CLN8: variants seen among roughly 807,000 people sequenced by gnomAD.
CLN8 encodes protein CLN8.
Under a neutral mutation model 15.7 loss-of-function variants are expected in CLN8, and 14 were observed. That is an observed-to-expected ratio of 0.89 (90% CI 0.59 to 1.39). The LOEUF (loss-of-function observed/expected upper bound fraction) is 1.39. Among genes scored for constraint, CLN8 ranks in the 40% most tolerant of loss-of-function variants. The probability of loss-of-function intolerance (pLI) is 0.00; values close to 1 mark genes in which losing one functional copy is unlikely to be tolerated. For missense variants in CLN8, 415 were observed against 364.0 expected (o/e 1.14, Z -1.14); for synonymous variants, 188 against 151.0 (o/e 1.25, Z -1.80).
chr8:1,756,260 G>T (rs919898347), intron 1 of CLN8, among the ~76,000 whole-genome samples: 8 of 152,196 alleles, frequency 5.3e-5, no homozygotes, highest in Non-Finnish European at 1.0e-4. Context: ...GAGGCAGGCG[G>T]ATCATGAGGT....
chr8:1,771,602 G>A lies in CLN8; in HGVS notation c.543+5G>A. The A allele has an allele frequency of 6.2e-7, 1 of 1,613,064 alleles. No individual in the cohort carries two copies. Among genetic ancestry groups the A allele is most frequent in the Non-Finnish European group, 8.5e-7 (1 of 1,179,588 alleles). On this transcript the variant is annotated splice_donor_5th_base_variant and intron_variant, in intron 2 of 2. Transcript: ENST00000331222. ...GTTTCCTGGATGCTCTTAAAGGTAA[G>A]TGCATGCATCAGCAGAAGATGACAT...
upstream of CLN8, chr8:1,760,424 C>T (rs1262709333): frequency 6.6e-6 from 1 of 152,126 alleles, no homozygotes; most frequent in African/African-American, 2.4e-5. Context: ...GCTGGGAATC[C>T]GCCCGGGTTT....
chr8:1,766,873 G>A (rs1388875964), intron 1 of CLN8, among the ~76,000 whole-genome samples: 1 of 152,226 alleles, frequency 6.6e-6, no homozygotes, highest in Non-Finnish European at 1.5e-5. Flanking sequence ...AGAAATAGAA[G>A]CAAAAGGAGA....
At position 1,781,809 on chromosome 8, in the gene CLN8, G is replaced by A. The variant is rs1801718767; in HGVS notation, c.*1242G>A. 6.6e-6 allele frequency: 1 copy of A among 152,136 alleles called. No individual in the cohort carries two copies. The highest frequency in any genetic ancestry group is 6.5e-5 in the Admixed American group (1 of 15,274). The allele number at this position is 152,136 out of a possible 1,614,324, so 9.4% of individuals were successfully genotyped here. ...CCCCTCAGAGATGCTCGACTGCAGG[G>A]TCCTGGGGTCCCTAGAGTGGTCCTG... On this transcript the variant is annotated 3_prime_UTR_variant, in exon 3 of 3. Transcript: ENST00000331222.
At chr8:1,758,208 ACAG>A (rs1224864212) in intron 1 of CLN8, 2 of 152,248 alleles carry the variant, frequency 1.3e-5, no homozygotes, top group East Asian at 3.8e-4. Flanking sequence ...CAGCAGAAAG[ACAG>A]TTTTCTATAA....
exon 1 of CLN8, chr8:1,755,889 T>C (rs1259521312): frequency 6.6e-6 from 1 of 152,146 alleles, no homozygotes; most frequent in Non-Finnish European, 1.5e-5. Context: ...ACGGAGGACA[T>C]TGCATGTCTC....
chr8:1,777,535 C>G (rs184945660), intron 2 of CLN8, among the ~76,000 whole-genome samples: 2 of 152,266 alleles, frequency 1.3e-5, no homozygotes, highest in Admixed American at 6.5e-5. Flanking sequence ...TGTAATAACA[C>G]TTAGCTTAAA....
At chr8:1,769,516 TC>T (rs2130985532) in intron 1 of CLN8, among the ~76,000 whole-genome samples, 1 of 151,854 alleles carries the variant, frequency 6.6e-6, no homozygotes, top group South Asian at 2.1e-4. Flanking sequence ...GTGACAAGAG[TC>T]CCCACTCCCT....
chr8:1,756,976 C>G (rs1800686100), intron 1 of CLN8, among the ~76,000 whole-genome samples: 1 of 152,268 alleles, frequency 6.6e-6, no homozygotes, highest in Middle Eastern at 3.4e-3. Flanking sequence ...AGCCACCATG[C>G]CTGGCCTGAA....
chr8:1,779,951 C>T, intron 2 of CLN8: 2 of 985,326 alleles, frequency 2.0e-6, no homozygotes, highest in Non-Finnish European at 2.4e-6. Flanking sequence ...TGAAGGGATA[C>T]TGAAAGAAAG....
intron 2 of CLN8, chr8:1,773,095 CCTGGGAACTCA>C: frequency 2.5e-6 from 1 of 394,938 alleles, no homozygotes; most frequent in Non-Finnish European, 4.5e-6. Context: ...TGTGCTGGCA[CCTGGGAACTCA>C]AGGAGGAACT....
intron 1 of CLN8, chr8:1,764,758 G>C (rs1800979595): frequency 6.6e-6 from 1 of 152,372 alleles, no homozygotes; most frequent in Admixed American, 6.5e-5. Flanking sequence ...TTGGGGTTGG[G>C]TGTGGACAGT....
intron 1 of CLN8, among the ~76,000 whole-genome samples, chr8:1,767,143 G>C (rs374908817): frequency 3.3e-4 from 51 of 152,346 alleles, no homozygotes; most frequent in African/African-American, 1.1e-3. Flanking sequence ...CCTGGCTGGA[G>C]GATGCTGGTT....
upstream of CLN8, among the ~76,000 whole-genome samples, chr8:1,760,786 G>C (rs1350500580): frequency 1.3e-5 from 2 of 152,166 alleles, no homozygotes; most frequent in Non-Finnish European, 2.9e-5. Flanking sequence ...CAGTCGCAGA[G>C]TGCAGTGAGA....
In CLN8 at chr8:1,783,922, C is replaced by G. The variant is rs547729355; in HGVS notation, c.*3355C>G. Reference sequence around the variant, plus strand: ...CTGGGCTCTTCAACACGGCATTTAGCGCAGAAAGTCGTGGTTCAGGCAGTA... The same window carrying G: ...CTGGGCTCTTCAACACGGCATTTAGGGCAGAAAGTCGTGGTTCAGGCAGTA... On this transcript the variant is annotated 3_prime_UTR_variant, in exon 3 of 3. Coordinates refer to ENST00000331222, the MANE Select transcript of CLN8 (RefSeq NM_018941.4). 6.6e-6 allele frequency: 1 copy of G among 152,198 alleles called. No homozygotes were observed. Among genetic ancestry groups the G allele is most frequent in the African/African-American group, 2.4e-5 (1 of 41,426 alleles). 9.4% of individuals were successfully genotyped at this position (152,198 alleles called of 1,614,324 possible). A position where few individuals can be genotyped will look rare whatever the true frequency, so the allele number is the denominator to read the frequency against.
At position 1,781,100 on chromosome 8, in the gene CLN8, G is replaced by T. The variant is rs1056979026; in HGVS notation, c.*533G>T. On this transcript the variant is annotated 3_prime_UTR_variant, in exon 3 of 3. Coordinates refer to ENST00000331222, the MANE Select transcript of CLN8 (RefSeq NM_018941.4). Reference sequence around the variant, plus strand: ...CTGGGTGGGGTGGCTCACACCCGACGTAATCCCAGCACGTTGGGAGGCCGA... The same window carrying T: ...CTGGGTGGGGTGGCTCACACCCGACTTAATCCCAGCACGTTGGGAGGCCGA... 6.4e-6 allele frequency: 1 copy of T among 155,352 alleles called. No homozygotes were observed. The allele number at this position is 155,352 out of a possible 1,614,324, so 9.6% of individuals were successfully genotyped here. A position where few individuals can be genotyped will look rare whatever the true frequency, so the allele number is the denominator to read the frequency against.
chr8:1,778,579 G>C (rs986969217), intron 2 of CLN8, among the ~76,000 whole-genome samples: 1 of 152,210 alleles, frequency 6.6e-6, no homozygotes, highest in African/African-American at 2.4e-5. Flanking sequence ...ACCACAGGTG[G>C]GAGTGTTTCA....
At chr8:1,761,668 C>T (rs1026582191), upstream of CLN8, among the ~76,000 whole-genome samples, 5 of 152,126 alleles carry the variant, frequency 3.3e-5, no homozygotes, top group Non-Finnish European at 5.9e-5. Context: ...GGTAGGGGGC[C>T]AGTAAGCTGG....
intron 1 of CLN8, among the ~76,000 whole-genome samples, chr8:1,767,294 C>G (rs1411124186): frequency 6.6e-6 from 1 of 152,180 alleles, no homozygotes; most frequent in Admixed American, 6.5e-5. Context: ...GCATTCTGGT[C>G]TTTATAATCT....
Sources: allele counts gnomAD v4.1 joint callset (sites outside exome capture counted in the v4.1 genomes callset), GRCh38; gene constraint gnomAD v4.1.1; transcripts MANE v1.5; gene names NCBI Gene and HGNC (gene_info 2026-07-23, HGNC 2026-07-21).